Variants in MCF2L2 observed in about 807,000 individuals in gnomAD.
MCF2L2 encodes the protein probable guanine nucleotide exchange factor MCF2L2.
Under a neutral mutation model 150.2 loss-of-function variants are expected in MCF2L2, and 102 were observed. The observed-to-expected ratio is 0.68, with a 90% CI of 0.58 to 0.80. The LOEUF (loss-of-function observed/expected upper bound fraction) is 0.80. MCF2L2 is among the 30% of genes least tolerant of loss of function. MCF2L2 has a pLI of 0.00. For synonymous variants in MCF2L2, 465 were observed against 491.3 expected, an observed-to-expected ratio of 0.95 and a Z score of 0.71; for missense variants, 1,256 against 1,372.8, an observed-to-expected ratio of 0.91 and a Z score of 1.34.
At chr3:183,307,220 G>A (rs573979401) in intron 10 of MCF2L2, among the ~76,000 whole-genome samples, 1 of 152,188 alleles carries the variant, frequency 6.6e-6, no homozygotes, top group African/African-American at 2.4e-5. Context: ...CCGAGTAAAG[G>A]ACAAACTCCA....
At chr3:183,244,339 G>A (rs554915440) in intron 15 of MCF2L2, among the ~76,000 whole-genome samples, 1 of 152,154 alleles carries the variant, frequency 6.6e-6, no homozygotes, top group Admixed American at 6.5e-5. Context: ...AATTTGCCAG[G>A]GGCTCTTTGG....
rs763961100 is a variant in MCF2L2 at position 183,270,933 on chromosome 3, T to C, written c.1862+5939A>G. The C allele has an allele frequency of 3.2e-6, 5 of 1,559,458 alleles. No individual in the cohort carries two copies. The Admixed American group carries it at 1.0e-4, about 32-fold the overall frequency. On this transcript the variant is annotated intron_variant, in intron 15 of 29. Transcript: ENST00000328913. The surrounding 1 kb of genome is among the most constrained non-coding windows in gnomAD (Gnocchi z 4.5). ...ATACCCTTGTAGGGCTGCGTTTATC[T>C]AATAGTACTTGAATGTTGTATGTTT... is the stretch of plus-strand genomic sequence containing the variant.
Position 183,396,870 on chromosome 3 carries a change from T to C in MCF2L2, c.77-7091A>G, listed in dbSNP as rs112283975. On this transcript the variant is annotated intron_variant, in intron 1 of 29. Transcript: ENST00000328913. ...AACCATGTGAAGATGGAGACAGATA[T>C]CTGAATGATGCAACCACAAGCCAAG... is the stretch of plus-strand genomic sequence containing the variant. Among the ~76,000 whole-genome samples, 1,004 of 152,168 alleles carry C rather than the reference T, an allele frequency of 6.6e-3. 8 individuals are homozygous for C. Among genetic ancestry groups the C allele is most frequent in the Middle Eastern group, 0.02 (6 of 294 alleles).
At chr3:183,274,965 GTTT>G (rs763718357) in intron 15 of MCF2L2, among the ~76,000 whole-genome samples, 3 of 143,568 alleles carry the variant, frequency 2.1e-5, no homozygotes, top group Non-Finnish European at 4.6e-5. Context: ...CTATAGCTTG[GTTT>G]TTTTTTTTTT....
intron 6 of MCF2L2, among the ~76,000 whole-genome samples, chr3:183,322,808 C>T (rs559787019): frequency 7.2e-5 from 11 of 152,100 alleles, no homozygotes; most frequent in Admixed American, 6.5e-4. Context: ...TAGTAGTCCC[C>T]GGGGGGTGAC....
At chr3:183,308,704 C>T (rs925667081) in intron 10 of MCF2L2, among the ~76,000 whole-genome samples, 1 of 152,158 alleles carries the variant, frequency 6.6e-6, no homozygotes, top group Admixed American at 6.6e-5. Context: ...GGGTGTGTGT[C>T]TCCAACTTTA....
chr3:183,194,597 A>T (rs878895187), intron 26 of MCF2L2, among the ~76,000 whole-genome samples: 1 of 152,152 alleles, frequency 6.6e-6, no homozygotes, highest in Admixed American at 6.5e-5. Context: ...GAAAACAGCC[A>T]AAAGCAAGGG....
intron 3 of MCF2L2, among the ~76,000 whole-genome samples, chr3:183,344,882 T>C (rs184627237): frequency 5.1e-4 from 78 of 152,282 alleles, no homozygotes; most frequent in African/African-American, 1.7e-3. Flanking sequence ...CTAAGTATCC[T>C]AAATATATAT....
chr3:183,428,202 G>A lies in MCF2L2; in HGVS notation c.-225C>T, dbSNP rs916618529. Reference sequence around the variant, plus strand: ...CCAAGTCTGGCGCTTTCCCAGCGTCGCAGCTGGACCGAGAGAGGAGCGGCC... The same window carrying A: ...CCAAGTCTGGCGCTTTCCCAGCGTCACAGCTGGACCGAGAGAGGAGCGGCC... On this transcript the variant is annotated 5_prime_UTR_variant, in exon 1 of 30. Coordinates refer to ENST00000328913, the MANE Select transcript of MCF2L2 (RefSeq NM_015078.4). This position sits in a 1 kb window ranked among gnomAD's most constrained non-coding sequence, Gnocchi z 5.1. 1 of 512,888 alleles carries A rather than the reference G, an allele frequency of 1.9e-6. No homozygotes were observed. The highest frequency in any genetic ancestry group is 2.0e-5 in the African/African-American group (1 of 49,508). The allele number at this position is 512,888 out of a possible 1,614,324, so 31.8% of individuals were successfully genotyped here.
intron 3 of MCF2L2, among the ~76,000 whole-genome samples, chr3:183,371,273 A>G (rs116306227): frequency 1.3e-4 from 20 of 152,340 alleles, no homozygotes; most frequent in African/African-American, 4.6e-4. Context: ...AGGTCTTGAC[A>G]ACAAGTGCCC....
intron 23 of MCF2L2, among the ~76,000 whole-genome samples, chr3:183,207,027 A>T (rs924913097): frequency 2.0e-5 from 3 of 151,160 alleles, no homozygotes; most frequent in African/African-American, 7.3e-5. Flanking sequence ...GGAAGGGGAG[A>T]AAGAAAACAA....
At chr3:183,384,246 G>A (rs190192101) in intron 2 of MCF2L2, among the ~76,000 whole-genome samples, 42 of 152,302 alleles carry the variant, frequency 2.8e-4, no homozygotes, top group African/African-American at 8.4e-4. Flanking sequence ...ATTCCTGGGC[G>A]TAGGCTGAAC....
rs1475372349 is a variant in MCF2L2 at position 183,270,813 on chromosome 3, C to T, written c.1862+6059G>A. On this transcript the variant is annotated intron_variant, in intron 15 of 29. Transcript: ENST00000328913. This position sits in a 1 kb window ranked among gnomAD's most constrained non-coding sequence, Gnocchi z 4.5. ...GGACCTTTGGAAGAATGCTACAGAT[C>T]CTAAAGTAAAAACCATTTCCAAAGG... The T allele has an allele frequency of 3.7e-6, 6 of 1,613,828 alleles. No homozygotes were observed. The highest frequency in any genetic ancestry group is 4.2e-6 in the Non-Finnish European group (5 of 1,179,942).
At chr3:183,279,452 C>A (rs889844491) in intron 14 of MCF2L2, among the ~76,000 whole-genome samples, 1 of 152,178 alleles carries the variant, frequency 6.6e-6, no homozygotes, top group Non-Finnish European at 1.5e-5. Flanking sequence ...CTTATGAGCT[C>A]CATTGAATGA....
intron 17 of MCF2L2, among the ~76,000 whole-genome samples, chr3:183,229,245 TG>T (rs2108670072): frequency 6.6e-6 from 1 of 152,296 alleles, no homozygotes; most frequent in South Asian, 2.1e-4. Flanking sequence ...AAGTACAACT[TG>T]TTTGAGCAGT....
chr3:183,277,190 G>A (rs1727205736), intron 14 of MCF2L2, among the ~76,000 whole-genome samples: 2 of 151,866 alleles, frequency 1.3e-5, no homozygotes, highest in East Asian at 1.9e-4. Context: ...AGCAGGTATC[G>A]GCCGGGCGTG....
chr3:183,184,174 T>C (rs1177107076), intron 27 of MCF2L2, among the ~76,000 whole-genome samples: 3 of 152,178 alleles, frequency 2.0e-5, no homozygotes, highest in African/African-American at 7.2e-5. Flanking sequence ...CATGCCACTA[T>C]GCCTGGCTAA....
Position 183,311,720 on chromosome 3 carries a change from T to C in MCF2L2, c.806A>G (p.Gln269Arg), listed in dbSNP as rs1277650589. The change falls in exon 8 of 30, where the codon CAA (glutamine) becomes CGA (arginine). Residue 269 changes from glutamine to arginine, a missense_variant. Transcript: ENST00000328913. ...GTTGGGACATTTGGTTGCTGGTTCT[T>C]GGATGCATGACAGCAATGTGGTCCC... The part of the protein sequence containing the change: ...KQGTTLLSCI[Q>R]EPATKCPNSK... The C allele has an allele frequency of 6.2e-7, 1 of 1,614,012 alleles. No individual in the cohort carries two copies. The highest frequency in any genetic ancestry group is 8.5e-7 in the Non-Finnish European group (1 of 1,179,964).
chr3:183,303,242 G>A (rs1420670393), intron 10 of MCF2L2, among the ~76,000 whole-genome samples: 3 of 150,864 alleles, frequency 2.0e-5, no homozygotes, highest in Non-Finnish European at 4.4e-5. Flanking sequence ...CCACCAAAAT[G>A]TAAGTTCCAT....
Sources: gnomAD v4.1 joint callset for allele counts (sites outside exome capture counted in the v4.1 genomes callset) on GRCh38, gnomAD v4.1.1 for gene constraint, Gnocchi (gnomAD v3.1) non-coding constraint, MANE v1.5 for transcripts, NCBI Gene and HGNC (gene_info 2026-07-23, HGNC 2026-07-21) for gene names.